Variants in IQCH observed in about 807,000 individuals in gnomAD.
IQCH encodes IQ motif containing H, also known as IQ domain-containing protein H.
In IQCH, 98 loss-of-function variants were observed where a neutral mutation model predicts 117.0. The ratio of observed to expected loss-of-function variants is 0.84; its 90% CI spans 0.71 to 0.99. IQCH has a LOEUF of 0.99. Ranked by LOEUF, IQCH falls within the 50% of genes least tolerant of loss-of-function variation. The pLI is 0.00. For synonymous variants in IQCH, 412 were observed against 448.2 expected (o/e 0.92, Z 1.02); for missense variants, 1,102 against 1,243.8 (o/e 0.89, Z 1.72).
At chr15:67,469,698 C>G (rs1453703480) in intron 17 of IQCH, among the ~76,000 whole-genome samples, 1 of 152,232 alleles carries the variant, frequency 6.6e-6, no homozygotes, top group Non-Finnish European at 1.5e-5. Context: ...CCAAAGGACA[C>G]AGAGCCTTTA....
intron 20 of IQCH, among the ~76,000 whole-genome samples, chr15:67,498,560 GA>G (rs1159580174): frequency 2.0e-4 from 30 of 151,084 alleles, no homozygotes; most frequent in African/African-American, 6.8e-4. Flanking sequence ...AGGTTGCAGT[GA>G]GCCGAGATTG....
intron 18 of IQCH, 46 bp from the exon 19 acceptor site, chr15:67,489,957 T>G (rs764738954): frequency 1.5e-5 from 20 of 1,300,924 alleles, no homozygotes; most frequent in Non-Finnish European, 2.0e-5. Flanking sequence ...GTACTTTGTT[T>G]CTGAGATAAT....
rs1349791379 is a variant in IQCH, at chr15:67,366,455, T to A, written c.754-5656T>A. On this transcript the variant is annotated intron_variant, in intron 8 of 20. Coordinates refer to ENST00000335894, the MANE Select transcript of IQCH (RefSeq NM_001031715.3). This position sits in a 1 kb window ranked among gnomAD's most constrained non-coding sequence, Gnocchi z 4.4. Reference sequence around the variant, plus strand: ...ATTTTGATCCATCGTGTGTTTTTGTTCCATGAGAATGCATCAAAGGATGGG... The same window carrying A: ...ATTTTGATCCATCGTGTGTTTTTGTACCATGAGAATGCATCAAAGGATGGG... 2.6e-5 allele frequency among the ~76,000 whole-genome samples: 4 copies of A among 152,212 alleles called. No homozygotes were observed. The highest frequency in any genetic ancestry group is 4.4e-5 in the Non-Finnish European group (3 of 68,042).
chr15:67,308,860 G>A (rs1967443705), intron 4 of IQCH, among the ~76,000 whole-genome samples: 1 of 147,642 alleles, frequency 6.8e-6, no homozygotes, highest in Admixed American at 6.6e-5. Flanking sequence ...GGCAATGAGA[G>A]GCTATAGCCT....
At chr15:67,255,523 A>T (rs777145922) in intron 1 of IQCH, among the ~76,000 whole-genome samples, 1 of 152,262 alleles carries the variant, frequency 6.6e-6, no homozygotes, top group Non-Finnish European at 1.5e-5. Flanking sequence ...TGTCCAATAC[A>T]GCTCAATTTG....
Position 67,500,546 on chromosome 15 carries a change from C to CT in IQCH, c.2971-87_2971-86insT. 1 of 641,242 alleles carries CT rather than the reference C, an allele frequency of 1.6e-6. No individual in the cohort carries two copies. The highest frequency in any genetic ancestry group is 2.7e-6 in the Non-Finnish European group (1 of 366,450). 39.7% of individuals were successfully genotyped at this position (641,242 alleles called of 1,614,324 possible). On this transcript the variant is annotated intron_variant, in intron 20 of 20. Coordinates refer to ENST00000335894, the MANE Select transcript of IQCH (RefSeq NM_001031715.3). The surrounding 1 kb of genome is among the most constrained non-coding windows in gnomAD (Gnocchi z 4.4). The stretch of plus-strand genomic sequence containing the variant: ...ACATTCTGAATAGAACTGGTCTAAA[C>CT]CATGGTGAACTCCCAAAAGGACCAG...
At chr15:67,377,123 AAAAAAAAAG>A (rs945270428) in intron 10 of IQCH, among the ~76,000 whole-genome samples, 15 of 151,312 alleles carry the variant, frequency 9.9e-5, no homozygotes, top group South Asian at 4.2e-4. Flanking sequence ...CTCAAAAAAA[AAAAAAAAAG>A]AAAAAAAGAA....
intron 16 of IQCH, among the ~76,000 whole-genome samples, chr15:67,450,429 T>G (rs1198926638): frequency 2.0e-5 from 3 of 152,240 alleles, no homozygotes; most frequent in African/African-American, 7.2e-5. Context: ...ATTTTTAGCA[T>G]GAAAGGTTGT....
chr15:67,287,930 G>A (rs1718590493), intron 4 of IQCH, among the ~76,000 whole-genome samples: 1 of 151,698 alleles, frequency 6.6e-6, no homozygotes, highest in African/African-American at 2.4e-5. Context: ...ACAGGTTTTG[G>A]TATGTTGTTG....
intron 8 of IQCH, among the ~76,000 whole-genome samples, chr15:67,361,265 G>A (rs1970120549): frequency 6.6e-6 from 1 of 152,146 alleles, no homozygotes; most frequent in Non-Finnish European, 1.5e-5. Context: ...TTGCTGCTGC[G>A]ACTGCTACTT....
chr15:67,498,877 CAT>C (rs1439816784), intron 20 of IQCH, among the ~76,000 whole-genome samples: 4 of 152,162 alleles, frequency 2.6e-5, no homozygotes, highest in Non-Finnish European at 4.4e-5. Flanking sequence ...ATTTGCAAAT[CAT>C]ATATCTGGTA....
At chr15:67,437,048 T>C (rs1342825033) in intron 16 of IQCH, among the ~76,000 whole-genome samples, 1 of 151,526 alleles carries the variant, frequency 6.6e-6, no homozygotes, top group African/African-American at 2.4e-5. Context: ...CACACTACTA[T>C]AGCTGATGCT....
chr15:67,361,272 A>G (rs922661587), intron 8 of IQCH, among the ~76,000 whole-genome samples: 33 of 152,204 alleles, frequency 2.2e-4, no homozygotes, highest in African/African-American at 7.7e-4. Flanking sequence ...TGCGACTGCT[A>G]CTTGCAGCTA....
intron 5 of IQCH, among the ~76,000 whole-genome samples, chr15:67,339,181 A>C (rs181604103): frequency 1.4e-4 from 22 of 152,238 alleles, no homozygotes; most frequent in African/African-American, 5.3e-4. Context: ...AGAATGAATG[A>C]ACTTCCAATT....
At chr15:67,338,235 C>CTATCTATT (rs1555455333) in intron 5 of IQCH, among the ~76,000 whole-genome samples, 1,538 of 149,618 alleles carry the variant, frequency 0.01, 17 homozygotes, top group African/African-American at 0.018. Flanking sequence ...ATCTATCTAT[C>CTATCTATT]TATCTATCTA....
At chr15:67,263,767 C>G (rs62014647) in intron 3 of IQCH, among the ~76,000 whole-genome samples, 3,471 of 152,092 alleles carry the variant, frequency 0.023, 86 homozygotes, top group South Asian at 0.041. Flanking sequence ...ATTTTGGTAT[C>G]CAGGGTAAAC....
chr15:67,265,902 A>G (rs1269845148), intron 3 of IQCH, among the ~76,000 whole-genome samples: 1 of 152,156 alleles, frequency 6.6e-6, no homozygotes, highest in Non-Finnish European at 1.5e-5. Flanking sequence ...TTTTTCTTCT[A>G]AGGTTCCTTA....
At position 67,416,866 on chromosome 15, in the gene IQCH, C is replaced by T; in HGVS notation, c.2098-65C>T. On this transcript the variant is annotated intron_variant, in intron 14 of 20. Coordinates refer to ENST00000335894, the MANE Select transcript of IQCH (RefSeq NM_001031715.3). This position sits in a 1 kb window ranked among gnomAD's most constrained non-coding sequence, Gnocchi z 5.1. ...CTGTTGGAGGCCTGGTTTTTAATCA[C>T]TCCACAAGCAGTTTTCATTTCTGTA... 1.4e-6 allele frequency: 2 copies of T among 1,431,050 alleles called. No homozygotes were observed. The highest frequency in any genetic ancestry group is 1.9e-6 in the Non-Finnish European group (2 of 1,077,818). The allele number at this position is 1,431,050 out of a possible 1,614,324, so 88.6% of individuals were successfully genotyped here. A position where few individuals can be genotyped will look rare whatever the true frequency, so the allele number is the denominator to read the frequency against.
In IQCH at chr15:67,322,495, T is replaced by TCATCTAA. The variant is rs1337563807; in HGVS notation, c.388-14480_388-14479insCATCTAA. Among the ~76,000 whole-genome samples, 5 of 152,150 alleles carry TCATCTAA rather than the reference T, an allele frequency of 3.3e-5. No homozygotes were observed. The South Asian group carries it at 1.0e-3, about 32-fold the overall frequency. On this transcript the variant is annotated intron_variant, in intron 4 of 20. Transcript: ENST00000335894. Reference sequence around the variant, plus strand: ...CCATTTAATGAAATTTAGATATGGTTTGATTTAGAACAACTGACACAGGAC... The same window carrying TCATCTAA: ...CCATTTAATGAAATTTAGATATGGTTCATCTAATGATTTAGAACAACTGACACAGGAC...
Sources: allele counts gnomAD v4.1 joint callset (sites outside exome capture counted in the v4.1 genomes callset), GRCh38; gene constraint gnomAD v4.1.1; non-coding constraint Gnocchi (gnomAD v3.1); transcripts MANE v1.5; gene names NCBI Gene and HGNC (gene_info 2026-07-23, HGNC 2026-07-21).